The following JAKMIP3 variants were observed in gnomAD, a reference collection of about 807,000 sequenced individuals.
JAKMIP3 encodes the protein Janus kinase and microtubule interacting protein 3, also known as janus kinase and microtubule-interacting protein 3.
In JAKMIP3, 58 loss-of-function variants were observed where a neutral mutation model predicts 118.5. That is an observed-to-expected ratio of 0.49 (90% CI 0.40 to 0.61). JAKMIP3 has a LOEUF of 0.61. Ranked by LOEUF, JAKMIP3 falls within the 20% of genes least tolerant of loss-of-function variation. The pLI is 0.00. For synonymous variants in JAKMIP3, 486 were observed against 451.2 expected (o/e 1.08, Z -0.98); for missense variants, 950 against 1,109.0 (o/e 0.86, Z 2.04).
intron 1 of JAKMIP3, among the ~76,000 whole-genome samples, chr10:132,101,847 A>G (rs1008598995): frequency 2.0e-5 from 3 of 152,140 alleles, no homozygotes; most frequent in South Asian, 4.1e-4. Context: ...CTGTGGTGGT[A>G]GAGAACCCGA....
intron 16 of JAKMIP3, among the ~76,000 whole-genome samples, chr10:132,152,478 A>G (rs1202920186): frequency 6.6e-6 from 1 of 152,232 alleles, no homozygotes; most frequent in East Asian, 1.9e-4. Context: ...TAAAACATGC[A>G]TAAAAGAGAC....
chr10:132,042,059 G>A (rs1270721789), intron 1 of JAKMIP3, among the ~76,000 whole-genome samples: 8 of 151,850 alleles, frequency 5.3e-5, no homozygotes, highest in Non-Finnish European at 7.4e-5. Flanking sequence ...TAGAGTGGGG[G>A]TTTCACCACA....
chr10:132,171,488 T>C (rs2059473138), intron 23 of JAKMIP3, among the ~76,000 whole-genome samples: 1 of 152,186 alleles, frequency 6.6e-6, no homozygotes, highest in African/African-American at 2.4e-5. Context: ...ACGCGAGACG[T>C]TACTGTGCTG....
At chr10:132,180,582 T>TGC (rs1554962877) in intron 23 of JAKMIP3, among the ~76,000 whole-genome samples, 1 of 21,304 alleles carries the variant, frequency 4.7e-5, no homozygotes, top group African/African-American at 2.0e-4. Flanking sequence ...TGTGTGTGCG[T>TGC]GCGCGTGTGT....
chr10:132,101,006 T>G, intron 1 of JAKMIP3, among the ~76,000 whole-genome samples: 1 of 152,282 alleles, frequency 6.6e-6, no homozygotes, highest in South Asian at 2.1e-4. Context: ...ACCGTATCAG[T>G]TCCCAGATTG....
At chr10:132,152,502 G>T (rs1321659227) in intron 16 of JAKMIP3, among the ~76,000 whole-genome samples, 2 of 152,156 alleles carry the variant, frequency 1.3e-5, no homozygotes, top group Non-Finnish European at 2.9e-5. Flanking sequence ...ACCTTCCAGG[G>T]ATTCAGCCAT....
intron 1 of JAKMIP3, among the ~76,000 whole-genome samples, chr10:132,059,376 T>C (rs1199750344): frequency 1.3e-5 from 2 of 152,232 alleles, no homozygotes; most frequent in Non-Finnish European, 2.9e-5. Flanking sequence ...TATTTTCCAT[T>C]TTATTGGAGA....
At position 132,124,896 on chromosome 10, in the gene JAKMIP3, G is replaced by A. The variant is rs147683360; in HGVS notation, c.633+7322G>A. On this transcript the variant is annotated intron_variant, in intron 3 of 23. Coordinates refer to ENST00000684848, the MANE Select transcript of JAKMIP3 (RefSeq NM_001323087.2). The stretch of plus-strand genomic sequence containing the variant: ...ACAGTATTGCCATTTCTTTAGGACA[G>A]CGGCAAGAAAGAGGCTGGCCGTTCC... 1.9e-3 allele frequency among the ~76,000 whole-genome samples: 287 copies of A among 152,328 alleles called. 3 individuals carry two copies. The highest frequency in any genetic ancestry group is 6.7e-3 in the African/African-American group (280 of 41,570).
rs766211085 is a variant in JAKMIP3 at position 132,117,888 on chromosome 10, A to G, written c.633+314A>G. Among the ~76,000 whole-genome samples the G allele has an allele frequency of 7.4e-4, 112 of 152,292 alleles. No homozygotes were observed. The Middle Eastern group carries it at 0.031, about 42-fold the overall frequency. On this transcript the variant is annotated intron_variant, in intron 3 of 23. Coordinates refer to ENST00000684848, the MANE Select transcript of JAKMIP3 (RefSeq NM_001323087.2). The surrounding 1 kb of genome is among the most constrained non-coding windows in gnomAD (Gnocchi z 8.6). The stretch of plus-strand genomic sequence containing the variant: ...CTTTCTTAACTTGGGCCACAGCAAG[A>G]AACCTAGAAATCGGCACTGCCCATC...
At chr10:132,062,257 G>A (rs532612711), upstream of JAKMIP3, among the ~76,000 whole-genome samples, 161 of 152,344 alleles carry the variant, frequency 1.1e-3, 4 homozygotes, top group Non-Finnish European at 1.9e-3. Context: ...GGGAGGTGTC[G>A]GGAGACAGGC....
At chr10:132,093,479 A>G (rs934064611) in intron 1 of JAKMIP3, among the ~76,000 whole-genome samples, 10 of 152,126 alleles carry the variant, frequency 6.6e-5, no homozygotes, top group Non-Finnish European at 1.2e-4. Context: ...TTGCAGTTAG[A>G]TCTCAGACTG....
rs143387917 is a variant in JAKMIP3 at position 132,147,472 on chromosome 10, G to A, written c.1750-480G>A. 1.2e-3 allele frequency among the ~76,000 whole-genome samples: 180 copies of A among 152,312 alleles called. 6 individuals carry two copies. The South Asian group carries it at 0.017, about 15-fold the overall frequency. ...CCAAGTGAATTCCGGTGGCCAGGCA[G>A]CCGTGGTACCCGCTCCTTCCATTGG... On this transcript the variant is annotated intron_variant, in intron 13 of 23. Transcript: ENST00000684848.
At position 132,180,764 on chromosome 10, in the gene JAKMIP3, T is replaced by TGC. The variant is rs1384404808; in HGVS notation, c.*1104-1592_*1104-1591insCG. On this transcript the variant is annotated intron_variant, in intron 23 of 23. Coordinates refer to ENST00000684848, the MANE Select transcript of JAKMIP3 (RefSeq NM_001323087.2). ...GTGCGTGCGCGCGCGTGTGTGCGTG[T>TGC]GTGTGCGTGTGTGTGTGTGCGCGTA... Among the ~76,000 whole-genome samples, 36 of 32,146 alleles carry TGC rather than the reference T, an allele frequency of 1.1e-3. 7 individuals carry two copies. The highest frequency in any genetic ancestry group is 2.5e-3 in the South Asian group (4 of 1,614). 21.1% of individuals were successfully genotyped at this position (32,146 alleles called of 152,430 possible). A position where few individuals can be genotyped will look rare whatever the true frequency, so the allele number is the denominator to read the frequency against.
chr10:132,060,562 G>C (rs926697663), upstream of JAKMIP3, among the ~76,000 whole-genome samples: 1 of 152,230 alleles, frequency 6.6e-6, no homozygotes, highest in Admixed American at 6.5e-5. Context: ...AGGAATGAGA[G>C]AGGGGTGCAG....
At chr10:132,111,975 T>G (rs2046950378) in intron 2 of JAKMIP3, among the ~76,000 whole-genome samples, 1 of 151,418 alleles carries the variant, frequency 6.6e-6, no homozygotes, top group Non-Finnish European at 1.5e-5. Flanking sequence ...TGTGGGTGGA[T>G]GGTGTGTGGA....
In JAKMIP3 at chr10:132,097,923, T is replaced by TTCTTTTCTCC. The variant is rs1564892743; in HGVS notation, c.-137-6749_-137-6748insTCTTTTCTCC. ...TCCCCTTCCCCTTCCCCTTCCCCTT[T>TTCTTTTCTCC]CCTTCCCCTTCCCCTTTCCCTTTCC... On this transcript the variant is annotated intron_variant, in intron 1 of 23. Coordinates refer to ENST00000684848, the MANE Select transcript of JAKMIP3 (RefSeq NM_001323087.2). Among the ~76,000 whole-genome samples, 195 of 33,858 alleles carry TTCTTTTCTCC rather than the reference T, an allele frequency of 5.8e-3. 15 individuals carry two copies. Among genetic ancestry groups the TTCTTTTCTCC allele is most frequent in the African/African-American group, 0.011 (119 of 10,530 alleles). 22.2% of individuals were successfully genotyped at this position (33,858 alleles called of 152,430 possible). A position where few individuals can be genotyped will look rare whatever the true frequency, so the allele number is the denominator to read the frequency against.
chr10:132,084,960 G>C (rs185849774), intron 1 of JAKMIP3, among the ~76,000 whole-genome samples: 1 of 152,136 alleles, frequency 6.6e-6, no homozygotes, highest in African/African-American at 2.4e-5. Context: ...TCGATATGTT[G>C]TTGGATTCGG....
intron 3 of JAKMIP3, among the ~76,000 whole-genome samples, chr10:132,129,928 AC>A: frequency 6.8e-6 from 1 of 146,420 alleles, no homozygotes; most frequent in Non-Finnish European, 1.5e-5. Flanking sequence ...CCAGCACGAG[AC>A]CACCAAGCTT....
At chr10:132,180,734 TGTGCGTGCGTGCGCGC>T (rs1361755985) in intron 23 of JAKMIP3, among the ~76,000 whole-genome samples, 3 of 12,664 alleles carry the variant, frequency 2.4e-4, no homozygotes, top group African/African-American at 8.0e-4. Flanking sequence ...TGTGTGCGTG[TGTGCGTGCGTGCGCGC>T]GCGTGTGTGC....
Sources: allele counts gnomAD v4.1 joint callset (sites outside exome capture counted in the v4.1 genomes callset), GRCh38; gene constraint gnomAD v4.1.1; non-coding constraint Gnocchi (gnomAD v3.1); transcripts MANE v1.5; gene names NCBI Gene and HGNC (gene_info 2026-07-23, HGNC 2026-07-21).